ZDHHC11: variants seen among roughly 807,000 people sequenced by gnomAD.
The protein encoded by ZDHHC11 is palmitoyltransferase ZDHHC11.
ZDHHC11 carries 44 observed loss-of-function variants against 51.3 expected under a neutral mutation model. The ratio of observed to expected loss-of-function variants is 0.86; its 90% CI spans 0.67 to 1.10. The LOEUF is 1.10. Ranked by LOEUF, ZDHHC11 falls within the 50% of genes least tolerant of loss-of-function variation. ZDHHC11 has a pLI of 0.00. For synonymous variants in ZDHHC11, 163 were observed against 222.0 expected, an observed-to-expected ratio of 0.73 and a Z score of 2.36; for missense variants, 400 against 537.7, an observed-to-expected ratio of 0.74 and a Z score of 2.53.
intron 11 of ZDHHC11, among the ~76,000 whole-genome samples, chr5:801,548 G>T (rs1204077177): frequency 6.6e-6 from 1 of 151,470 alleles, no homozygotes; most frequent in Non-Finnish European, 1.5e-5. Context: ...GCTTGATTGT[G>T]ATGAGTTCTG....
At chr5:852,245 C>T (rs1335684498), upstream of ZDHHC11, among the ~76,000 whole-genome samples, 1 of 152,150 alleles carries the variant, frequency 6.6e-6, no homozygotes, top group East Asian at 1.9e-4. Context: ...CCAGGAAGGA[C>T]CACAGATCTT....
chr5:799,700 C>G (rs1215462101), intron 12 of ZDHHC11, among the ~76,000 whole-genome samples: 1 of 151,530 alleles, frequency 6.6e-6, no homozygotes, highest in Non-Finnish European at 1.5e-5. Context: ...GACTCAGGCG[C>G]TGTTCTATAG....
chr5:829,445 A>G (rs1373556276), intron 7 of ZDHHC11, among the ~76,000 whole-genome samples: 1 of 152,020 alleles, frequency 6.6e-6, no homozygotes, highest in African/African-American at 2.4e-5. Flanking sequence ...CCTAGATTAA[A>G]TCAGGAAGAA....
At chr5:841,210 G>C (rs1473950567) in intron 4 of ZDHHC11, 23 of 1,042,098 alleles carry the variant, frequency 2.2e-5, no homozygotes, top group Non-Finnish European at 2.7e-5. Flanking sequence ...CTAAGTGCTG[G>C]GGTCACAGTG....
intron 3 of ZDHHC11, among the ~76,000 whole-genome samples, chr5:846,785 TATGA>T (rs1746270385): frequency 9.2e-6 from 1 of 109,126 alleles, no homozygotes; most frequent in Non-Finnish European, 1.7e-5. Flanking sequence ...ACCTCTCGTC[TATGA>T]GCCTCCACCG....
chr5:841,421 T>A (rs1347234815), intron 4 of ZDHHC11: 5 of 959,912 alleles, frequency 5.2e-6, no homozygotes, highest in East Asian at 1.3e-4. Context: ...GGGGTCACAG[T>A]GCCCACCCCT....
At chr5:857,050 C>T (rs759305589) in intron 1 of ZDHHC11, among the ~76,000 whole-genome samples, 13 of 151,632 alleles carry the variant, frequency 8.6e-5, no homozygotes, top group Non-Finnish European at 1.6e-4. Context: ...ACACAATGCT[C>T]ACACTCCCAC....
At chr5:860,409 G>A (rs781467327), upstream of ZDHHC11, among the ~76,000 whole-genome samples, 5 of 152,132 alleles carry the variant, frequency 3.3e-5, no homozygotes, top group African/African-American at 4.8e-5. This position sits in a 1 kb window ranked among gnomAD's most constrained non-coding sequence, Gnocchi z 4.2. Context: ...TGCAGTTAAC[G>A]TCCTGACACC....
intron 11 of ZDHHC11, among the ~76,000 whole-genome samples, chr5:809,146 T>C (rs1040138247): frequency 6.9e-6 from 1 of 145,260 alleles, no homozygotes; most frequent in Non-Finnish European, 1.5e-5. Context: ...ACCCAGCACC[T>C]GGAAGCGACC....
upstream of ZDHHC11, among the ~76,000 whole-genome samples, chr5:851,214 T>C (rs1295218470): frequency 6.6e-6 from 1 of 152,128 alleles, no homozygotes; most frequent in Non-Finnish European, 1.5e-5. Flanking sequence ...CAGGGTCCTG[T>C]GTGTCTCCCC....
chr5:809,458 C>A (rs574419270), intron 11 of ZDHHC11, among the ~76,000 whole-genome samples: 1 of 149,308 alleles, frequency 6.7e-6, no homozygotes, highest in Non-Finnish European at 1.5e-5. Flanking sequence ...CTTCAGAACA[C>A]GCATGTGAGT....
At chr5:828,440 C>T (rs1211032299) in intron 7 of ZDHHC11, among the ~76,000 whole-genome samples, 1 of 150,978 alleles carries the variant, frequency 6.6e-6, no homozygotes, top group Non-Finnish European at 1.5e-5. Flanking sequence ...GACGGGGCGG[C>T]CGGCCGGGTG....
chr5:797,333 T>G (rs1486414647), intron 12 of ZDHHC11, among the ~76,000 whole-genome samples: 1 of 151,782 alleles, frequency 6.6e-6, no homozygotes, highest in East Asian at 1.9e-4. Context: ...AATCTGTGAG[T>G]TGGTGTCTTC....
Position 850,886 on chromosome 5 carries a change from C to CTGGGCAG in ZDHHC11, c.-285_-284insCTGCCCA. The stretch of plus-strand genomic sequence containing the variant: ...ACGGCTCTCCAGGGTGTGGAGGACC[C>CTGGGCAG]AGTGCCCGCGCGACCGCCCATCAGT... On this transcript the variant is annotated 5_prime_UTR_variant, in exon 1 of 13. An upstream open reading frame in the 5' UTR loses its in-frame stop. Coordinates refer to ENST00000283441, the MANE Select transcript of ZDHHC11 (RefSeq NM_024786.3). 1 of 550,802 alleles carries CTGGGCAG rather than the reference C, an allele frequency of 1.8e-6. No individual in the cohort carries two copies. Among genetic ancestry groups the CTGGGCAG allele is most frequent in the Non-Finnish European group, 3.2e-6 (1 of 309,750 alleles). The allele number at this position is 550,802 out of a possible 1,614,324, so 34.1% of individuals were successfully genotyped here.
intron 5 of ZDHHC11, chr5:840,190 G>C (rs761718472): frequency 1.9e-4 from 129 of 683,126 alleles, no homozygotes; most frequent in South Asian, 1.2e-3. Context: ...CATTGTCTCT[G>C]AACATTTTAA....
rs80052131 is a variant in ZDHHC11 at position 858,400 on chromosome 5, G to A, written c.-1+474C>T. Among the ~76,000 whole-genome samples the A allele has an allele frequency of 1.4e-3, 196 of 140,846 alleles. 1 individual carries two copies. Among genetic ancestry groups the A allele is most frequent in the African/African-American group, 5.2e-3 (189 of 36,328 alleles). 92.4% of individuals were successfully genotyped at this position (140,846 alleles called of 152,430 possible). ...GTCCCCCAAGTCTGTCCAGGTCCCC[G>A]TCCTGTCTTTATGACACCGTGGTCC... On this transcript the variant is annotated intron_variant, in intron 1 of 3. Coordinates refer to the ZDHHC11 transcript ENST00000685990.
At chr5:840,913 C>G (rs1246359775) in intron 4 of ZDHHC11, 2 of 1,413,088 alleles carry the variant, frequency 1.4e-6, no homozygotes, top group Admixed American at 5.8e-5. Context: ...TCACAGTGCC[C>G]ACCCCTTCCT....
intron 8 of ZDHHC11, 97 bp from the exon 9 acceptor site, chr5:821,992 T>C: frequency 1.8e-6 from 2 of 1,106,948 alleles, no homozygotes; most frequent in Non-Finnish European, 2.6e-6. Flanking sequence ...TGACAGTCAC[T>C]TCTGAGTAAT....
upstream of ZDHHC11, among the ~76,000 whole-genome samples, chr5:859,159 C>T (rs1038662668): frequency 3.9e-5 from 6 of 151,992 alleles, no homozygotes; most frequent in East Asian, 1.9e-4. Flanking sequence ...TGGCTTGATC[C>T]GGTTTAGGTC....
Sources: allele counts gnomAD v4.1 joint callset (sites outside exome capture counted in the v4.1 genomes callset), GRCh38; gene constraint gnomAD v4.1.1; non-coding constraint Gnocchi (gnomAD v3.1); transcripts MANE v1.5; gene names NCBI Gene and HGNC (gene_info 2026-07-23, HGNC 2026-07-21).